ZNF782: variants seen among roughly 807,000 people sequenced by gnomAD.
ZNF782 encodes the protein zinc finger protein 782.
ZNF782 carries 12 observed loss-of-function variants against 13.0 expected under a neutral mutation model. The observed-to-expected ratio is 0.92, with a 90% CI of 0.59 to 1.50. The LOEUF is 1.50. ZNF782 is among the 40% of genes most tolerant of loss of function. The pLI is 0.00. For synonymous variants in ZNF782, 284 were observed against 283.0 expected (o/e 1.00, Z -0.04); for missense variants, 770 against 822.9 (o/e 0.94, Z 0.79).
chr9:96,886,024 T>G, the ZNF782 span, among the ~76,000 whole-genome samples: 1 of 151,912 alleles, frequency 6.6e-6, no homozygotes, highest in Non-Finnish European at 1.5e-5. Context: ...AGTTTTGTAT[T>G]TTTTGTAGGG....
chr9:96,887,849 C>T, the ZNF782 span: 9 of 152,056 alleles, frequency 5.9e-5, no homozygotes, highest in East Asian at 1.9e-4. Flanking sequence ...TAAAATATGA[C>T]GAGTTCATGT....
At chr9:96,922,472 G>A in the ZNF782 span, among the ~76,000 whole-genome samples, 2 of 152,254 alleles carry the variant, frequency 1.3e-5, no homozygotes, top group Non-Finnish European at 2.9e-5. Context: ...TTATAAACTG[G>A]TTCAAATTAT....
the ZNF782 span, chr9:96,889,867 T>C: frequency 6.6e-6 from 1 of 152,244 alleles, no homozygotes; most frequent in Admixed American, 6.5e-5. Context: ...ATACACAATA[T>C]GTTTCATTCT....
chr9:96,817,904 A>G lies in ZNF782; in HGVS notation c.*19T>C, dbSNP rs776503866. On this transcript the variant is annotated 3_prime_UTR_variant, in exon 6 of 6. Transcript: ENST00000481138. ...GATTTCCAGCTCAGAGTTTTTTCGT[A>G]TTCTTTATATGCATACATTTAATCC... 3 of 1,521,300 alleles carry G rather than the reference A, an allele frequency of 2.0e-6. No homozygotes were observed. The East Asian group carries it at 6.8e-5, about 34-fold the overall frequency. 94.2% of individuals were successfully genotyped at this position (1,521,300 alleles called of 1,614,324 possible). A position where few individuals can be genotyped will look rare whatever the true frequency, so the allele number is the denominator to read the frequency against.
At chr9:96,901,518 C>T in the ZNF782 span, among the ~76,000 whole-genome samples, 4 of 151,766 alleles carry the variant, frequency 2.6e-5, no homozygotes, top group East Asian at 3.9e-4. Flanking sequence ...GAGATCCTCC[C>T]ACCTCGGCCT....
upstream of ZNF782, among the ~76,000 whole-genome samples, chr9:96,857,793 A>T (rs140050476): frequency 5.8e-3 from 878 of 152,368 alleles, 9 homozygotes; most frequent in African/African-American, 0.02. Context: ...TAAAGGTTAC[A>T]TTGTGCAGAT....
the ZNF782 span, among the ~76,000 whole-genome samples, chr9:96,886,255 G>A: frequency 6.7e-6 from 1 of 149,028 alleles, no homozygotes; most frequent in Non-Finnish European, 1.5e-5. Context: ...TACATCCAGT[G>A]AAAATATCCT....
the ZNF782 span, among the ~76,000 whole-genome samples, chr9:96,930,907 T>A: frequency 1.8e-5 from 2 of 111,628 alleles, no homozygotes; most frequent in Admixed American, 9.0e-5. Context: ...TTTTTTTTTT[T>A]TTTTTGAGAC....
At chr9:96,915,141 T>C in the ZNF782 span, among the ~76,000 whole-genome samples, 6 of 151,754 alleles carry the variant, frequency 4.0e-5, no homozygotes, top group Admixed American at 3.9e-4. Flanking sequence ...TTCTACCCCT[T>C]TTAGGTATCC....
intron 5 of ZNF782, among the ~76,000 whole-genome samples, chr9:96,820,740 G>A (rs1279638618): frequency 6.6e-6 from 1 of 151,912 alleles, no homozygotes; most frequent in Non-Finnish European, 1.5e-5. Flanking sequence ...AGTAGATACA[G>A]GGTTTTGCCA....
intron 1 of ZNF782, among the ~76,000 whole-genome samples, chr9:96,874,371 C>CAT (rs3083225): frequency 0.073 from 11,170 of 152,154 alleles, 1,086 homozygotes; most frequent in African/African-American, 0.22. Flanking sequence ...ACTAGTGTCA[C>CAT]GTGGTTATGG....
At chr9:96,912,527 T>C in the ZNF782 span, among the ~76,000 whole-genome samples, 1 of 150,862 alleles carries the variant, frequency 6.6e-6, no homozygotes, top group Non-Finnish European at 1.5e-5. Context: ...AAGGCTTCTT[T>C]TTTTTCCTTT....
chr9:96,930,401 G>A, the ZNF782 span, among the ~76,000 whole-genome samples: 1 of 151,998 alleles, frequency 6.6e-6, no homozygotes, highest in Non-Finnish European at 1.5e-5. Flanking sequence ...GCGGGAGCCT[G>A]TAATCCCAGC....
upstream of ZNF782, among the ~76,000 whole-genome samples, chr9:96,880,240 AG>A (rs1851946548): frequency 6.6e-6 from 1 of 151,362 alleles, no homozygotes; most frequent in South Asian, 2.1e-4. Context: ...AAATAAGGAT[AG>A]ATTTATTTTT....
chr9:96,921,866 G>A, the ZNF782 span, among the ~76,000 whole-genome samples: 5 of 150,752 alleles, frequency 3.3e-5, no homozygotes, highest in East Asian at 2.0e-4. Flanking sequence ...GCTAATTTTC[G>A]TATTTTTAGT....
the ZNF782 span, among the ~76,000 whole-genome samples, chr9:96,920,470 G>C: frequency 6.8e-6 from 1 of 148,104 alleles, no homozygotes; most frequent in African/African-American, 2.4e-5. Context: ...GTTTCACCAT[G>C]TTAGCCAGGA....
the ZNF782 span, among the ~76,000 whole-genome samples, chr9:96,930,228 G>A: frequency 6.6e-6 from 1 of 151,988 alleles, no homozygotes; most frequent in East Asian, 2.0e-4. Flanking sequence ...ATGACTAGCA[G>A]CTGTGAAAAT....
chr9:96,883,049 T>C, the ZNF782 span, among the ~76,000 whole-genome samples: 1 of 152,200 alleles, frequency 6.6e-6, no homozygotes, highest in Non-Finnish European at 1.5e-5. Context: ...AAAGACAGAA[T>C]TCTGCAAGAC....
upstream of ZNF782, among the ~76,000 whole-genome samples, chr9:96,856,898 T>G (rs913414275): frequency 6.6e-6 from 1 of 152,194 alleles, no homozygotes. Flanking sequence ...GGACCATTCT[T>G]TATACACGTG....
Sources: gnomAD v4.1 joint callset for allele counts (sites outside exome capture counted in the v4.1 genomes callset) on GRCh38, gnomAD v4.1.1 for gene constraint, MANE v1.5 for transcripts, NCBI Gene and HGNC (gene_info 2026-07-23, HGNC 2026-07-21) for gene names.